The following CDK14 variants were observed in gnomAD, a reference collection of about 807,000 sequenced individuals.
CDK14 encodes the protein cyclin-dependent kinase 14.
A neutral mutation model predicts 60.7 loss-of-function variants in CDK14; 34 were observed. That is an observed-to-expected ratio of 0.56 (90% CI 0.43 to 0.75). The LOEUF is 0.75. Ranked by LOEUF, CDK14 falls within the 30% of genes least tolerant of loss-of-function variation. The pLI, the probability that CDK14 is intolerant of heterozygous loss-of-function variation, is 0.00. For missense variants in CDK14, 482 were observed against 564.1 expected (o/e 0.85, Z 1.47); for synonymous variants, 197 against 203.7 (o/e 0.97, Z 0.28).
intron 2 of CDK14, among the ~76,000 whole-genome samples, chr7:90,641,579 A>G (rs7787672): frequency 0.014 from 2,115 of 152,164 alleles, 62 homozygotes; most frequent in African/African-American, 0.046. Flanking sequence ...AGGTAAATCT[A>G]TAGAGACAGA....
At chr7:90,805,538 T>C (rs1006903571) in intron 5 of CDK14, among the ~76,000 whole-genome samples, 1 of 151,998 alleles carries the variant, frequency 6.6e-6, no homozygotes, top group African/African-American at 2.4e-5. Context: ...TAAATACTTA[T>C]AATAAAAAAG....
intron 4 of CDK14, among the ~76,000 whole-genome samples, chr7:90,766,476 T>A (rs56382429): frequency 2.2e-4 from 33 of 152,362 alleles, no homozygotes; most frequent in Non-Finnish European, 3.5e-4. Context: ...TCCCTTATTT[T>A]ACGGGTGAAG....
rs185005841 is a variant in CDK14 at position 91,175,258 on chromosome 7, G to A, written c.*29-31907G>A. ...AATAGTTTACAGACAAGCAAATGCTGAGAGATTTTTGTCACCACCAGGCCT... is the reference window on the plus strand; with the variant it reads ...AATAGTTTACAGACAAGCAAATGCTAAGAGATTTTTGTCACCACCAGGCCT... On this transcript the variant is annotated intron_variant, in intron 14 of 14. Coordinates refer to ENST00000380050, the MANE Select transcript of CDK14 (RefSeq NM_001287135.2). Among the ~76,000 whole-genome samples, 994 of 152,224 alleles carry A rather than the reference G, an allele frequency of 6.5e-3. 5 individuals are homozygous for A. The highest frequency in any genetic ancestry group is 0.022 in the African/African-American group (928 of 41,522).
intron 8 of CDK14, among the ~76,000 whole-genome samples, chr7:90,946,029 G>A (rs1263550543): frequency 6.6e-6 from 1 of 152,174 alleles, no homozygotes; most frequent in East Asian, 1.9e-4. Context: ...TGATGTGGCA[G>A]CAGCAGTGGG....
At chr7:90,624,486 A>G (rs1308181435) in intron 2 of CDK14, among the ~76,000 whole-genome samples, 1 of 152,246 alleles carries the variant, frequency 6.6e-6, no homozygotes, top group African/African-American at 2.4e-5. Flanking sequence ...AGTGAGAAAC[A>G]TAAATCCTAT....
chr7:90,951,731 T>C (rs1794269458), intron 8 of CDK14, among the ~76,000 whole-genome samples: 1 of 152,228 alleles, frequency 6.6e-6, no homozygotes, highest in Non-Finnish European at 1.5e-5. Context: ...CTTGGCTGTT[T>C]TTGGAACTTG....
At chr7:90,598,589 C>A (rs1412291022) in intron 1 of CDK14, among the ~76,000 whole-genome samples, 1 of 152,014 alleles carries the variant, frequency 6.6e-6, no homozygotes, top group Non-Finnish European at 1.5e-5. Flanking sequence ...GTATACCAAG[C>A]CAACGACATT....
chr7:91,169,934 T>C (rs987768889), intron 14 of CDK14, among the ~76,000 whole-genome samples: 1 of 152,246 alleles, frequency 6.6e-6, no homozygotes, highest in Admixed American at 6.5e-5. Flanking sequence ...GTACCCTGCG[T>C]TATCATGGCT....
At chr7:90,664,609 A>T (rs1800933500) in intron 2 of CDK14, among the ~76,000 whole-genome samples, 1 of 152,232 alleles carries the variant, frequency 6.6e-6, no homozygotes, top group Non-Finnish European at 1.5e-5. Context: ...CTATGCAGCC[A>T]TAAAAAATGA....
intron 5 of CDK14, among the ~76,000 whole-genome samples, chr7:90,856,876 G>C (rs1790834296): frequency 6.6e-6 from 1 of 152,040 alleles, no homozygotes; most frequent in Admixed American, 6.5e-5. Context: ...TAGGTTTCAT[G>C]AGTAGTCATT....
At chr7:90,833,630 G>A (rs997320835) in intron 5 of CDK14, among the ~76,000 whole-genome samples, 1 of 152,206 alleles carries the variant, frequency 6.6e-6, no homozygotes, top group African/African-American at 2.4e-5. Context: ...GCAGCATGTG[G>A]TTGGTATCCT....
At chr7:90,834,209 C>A (rs900728746) in intron 5 of CDK14, among the ~76,000 whole-genome samples, 2 of 152,166 alleles carry the variant, frequency 1.3e-5, no homozygotes, top group Non-Finnish European at 2.9e-5. Flanking sequence ...TTGTATCTCT[C>A]ATTTAGCATA....
At chr7:91,155,019 CTA>C (rs1800944613) in intron 14 of CDK14, among the ~76,000 whole-genome samples, 1 of 152,046 alleles carries the variant, frequency 6.6e-6, no homozygotes, top group South Asian at 2.1e-4. Flanking sequence ...AGGCTAGTGA[CTA>C]TAGATTTCAG....
chr7:90,814,249 A>G (rs369303152), intron 5 of CDK14, among the ~76,000 whole-genome samples: 25 of 152,014 alleles, frequency 1.6e-4, no homozygotes, highest in African/African-American at 5.6e-4. Context: ...AAGAGCTTTG[A>G]AACTGATAGA....
At chr7:90,818,856 TTC>T (rs1051253063) in intron 5 of CDK14, among the ~76,000 whole-genome samples, 3 of 144,794 alleles carry the variant, frequency 2.1e-5, no homozygotes, top group East Asian at 4.1e-4. Flanking sequence ...GACCAATATT[TTC>T]TCTCTCTCTA....
chr7:91,098,577 A>C (rs937150225), intron 12 of CDK14, among the ~76,000 whole-genome samples: 1 of 152,150 alleles, frequency 6.6e-6, no homozygotes, highest in Non-Finnish European at 1.5e-5. Flanking sequence ...CATCTCTTCT[A>C]TATCAACATA....
At chr7:91,049,042 T>TG (rs1345765220) in intron 11 of CDK14, among the ~76,000 whole-genome samples, 2 of 81,396 alleles carry the variant, frequency 2.5e-5, no homozygotes, top group Non-Finnish European at 4.6e-5. Flanking sequence ...TATGTCTGGC[T>TG]ATTTTTTTTT....
intron 8 of CDK14, among the ~76,000 whole-genome samples, chr7:90,950,619 C>G (rs2117546680): frequency 6.6e-6 from 1 of 152,274 alleles, no homozygotes; most frequent in South Asian, 2.1e-4. Flanking sequence ...TGATGTGTAG[C>G]AGTCAGCTGG....
chr7:90,669,271 T>C (rs1584782339), intron 2 of CDK14, among the ~76,000 whole-genome samples: 1 of 152,288 alleles, frequency 6.6e-6, no homozygotes, highest in Admixed American at 6.5e-5. Flanking sequence ...CAAGTTGTAA[T>C]GGATATCTGC....
Sources: allele counts gnomAD v4.1 joint callset (sites outside exome capture counted in the v4.1 genomes callset), GRCh38; gene constraint gnomAD v4.1.1; transcripts MANE v1.5; gene names NCBI Gene and HGNC (gene_info 2026-07-23, HGNC 2026-07-21).